GALNT17: variants seen among roughly 807,000 people sequenced by gnomAD.
GALNT17 encodes the protein polypeptide N-acetylgalactosaminyltransferase 17, also known as UDP-GalNAc:polypeptide N-acetylgalactosaminyltransferase-like 3.
In GALNT17, 29 loss-of-function variants were observed where a neutral mutation model predicts 63.7. That is an observed-to-expected ratio of 0.46 (90% confidence interval 0.34 to 0.62). The LOEUF (loss-of-function observed/expected upper bound fraction) is 0.62. GALNT17 is among the 20% of genes least tolerant of loss of function. GALNT17 has a pLI of 0.01. For synonymous variants in GALNT17, 305 were observed against 318.3 expected, an observed-to-expected ratio of 0.96 and a Z score of 0.45; for missense variants, 603 against 799.6, an observed-to-expected ratio of 0.75 and a Z score of 2.97.
intron 5 of GALNT17, among the ~76,000 whole-genome samples, chr7:71,466,891 A>C (rs566433396): frequency 6.6e-6 from 1 of 152,010 alleles, no homozygotes; most frequent in East Asian, 1.9e-4. Context: ...CCTGTAACTT[A>C]TCTCTCCCTA....
intron 1 of GALNT17, among the ~76,000 whole-genome samples, chr7:71,192,549 C>A (rs1386810665): frequency 6.6e-6 from 1 of 152,052 alleles, no homozygotes; most frequent in Non-Finnish European, 1.5e-5. Context: ...GTATGTGCCA[C>A]TATGCCTGGC....
chr7:71,293,537 A>T (rs375237370), intron 1 of GALNT17, among the ~76,000 whole-genome samples: 1 of 152,120 alleles, frequency 6.6e-6, no homozygotes, highest in South Asian at 2.1e-4. Context: ...TGCCCATTTT[A>T]AAATCAGATT....
At chr7:71,612,402 C>T (rs1246938408) in intron 6 of GALNT17, among the ~76,000 whole-genome samples, 2 of 152,164 alleles carry the variant, frequency 1.3e-5, no homozygotes, top group East Asian at 3.9e-4. Flanking sequence ...ACTCTGCCTG[C>T]ATTGCAACGT....
intron 1 of GALNT17, among the ~76,000 whole-genome samples, chr7:71,268,801 C>T (rs1790536032): frequency 6.6e-6 from 1 of 151,938 alleles, no homozygotes; most frequent in Non-Finnish European, 1.5e-5. Context: ...TGGGGTTGTG[C>T]CTGTCTCCTG....
At chr7:71,146,175 G>A (rs932322610) in intron 1 of GALNT17, among the ~76,000 whole-genome samples, 3 of 152,030 alleles carry the variant, frequency 2.0e-5, no homozygotes, top group South Asian at 2.1e-4. Context: ...AGCTCCCCAC[G>A]CCCTGAGTGA....
chr7:71,425,914 C>T (rs1273545693), intron 5 of GALNT17, among the ~76,000 whole-genome samples: 3 of 152,092 alleles, frequency 2.0e-5, no homozygotes, highest in Admixed American at 2.0e-4. Context: ...CTGGGGAGGC[C>T]TCAGGAATCT....
At chr7:71,468,088 C>T (rs1333718612) in intron 5 of GALNT17, among the ~76,000 whole-genome samples, 1 of 151,274 alleles carries the variant, frequency 6.6e-6, no homozygotes, top group Non-Finnish European at 1.5e-5. Context: ...AGTGCAAAGG[C>T]GTGACTGTAC....
chr7:71,622,789 A>C (rs1363223796), intron 6 of GALNT17, among the ~76,000 whole-genome samples: 3 of 152,288 alleles, frequency 2.0e-5, no homozygotes, highest in South Asian at 2.1e-4. Context: ...CTCCCAGGCG[A>C]GTTCTAAGGC....
intron 2 of GALNT17, among the ~76,000 whole-genome samples, chr7:71,382,222 A>G (rs965747036): frequency 2.0e-5 from 3 of 152,142 alleles, no homozygotes; most frequent in African/African-American, 4.8e-5. Context: ...TCTAATAAAA[A>G]TAGAAAAATT....
chr7:71,435,904 C>T (rs570628911), intron 5 of GALNT17, among the ~76,000 whole-genome samples: 2 of 151,932 alleles, frequency 1.3e-5, no homozygotes, highest in Admixed American at 1.3e-4. Context: ...CCTGTAGTCC[C>T]ACCTACTCGG....
At chr7:71,289,340 G>A (rs182083977) in intron 1 of GALNT17, among the ~76,000 whole-genome samples, 140 of 151,786 alleles carry the variant, frequency 9.2e-4, no homozygotes, top group Non-Finnish European at 1.8e-3. Context: ...GATCATACAC[G>A]TAAATACAGA....
At chr7:71,682,910 C>T (rs1365483197) in intron 9 of GALNT17, among the ~76,000 whole-genome samples, 2 of 152,000 alleles carry the variant, frequency 1.3e-5, no homozygotes. Flanking sequence ...TGAAGGTGAC[C>T]ACCTTCTGAC....
intron 6 of GALNT17, among the ~76,000 whole-genome samples, chr7:71,620,470 CT>C (rs1790274072): frequency 1.3e-5 from 2 of 152,106 alleles, no homozygotes; most frequent in South Asian, 4.1e-4. Context: ...GAGCAAGACC[CT>C]GTTTCTAATA....
Position 71,165,870 on chromosome 7 carries a change from CTA to C in GALNT17, c.238+32832_238+32833del, listed in dbSNP as rs144400141. On this transcript the variant is annotated intron_variant, in intron 1 of 10. Coordinates refer to ENST00000333538, the MANE Select transcript of GALNT17 (RefSeq NM_022479.3). ...AGGGCTGAGTAGGTGGAGTATGTGA[CTA>C]TGTAAATAAACCTCCCTGACTGGGT... 7.2e-3 allele frequency among the ~76,000 whole-genome samples: 1,102 copies of C among 152,116 alleles called. 9 individuals carry two copies. The highest frequency in any genetic ancestry group is 0.025 in the African/African-American group (1,042 of 41,472).
chr7:71,173,822 C>T (rs1281344190), intron 1 of GALNT17, among the ~76,000 whole-genome samples: 19 of 152,080 alleles, frequency 1.2e-4, no homozygotes, highest in Admixed American at 1.2e-3. Context: ...CACTCAAGCT[C>T]AGGGTATTTT....
chr7:71,153,466 A>G (rs945156316), intron 1 of GALNT17, among the ~76,000 whole-genome samples: 20 of 152,158 alleles, frequency 1.3e-4, no homozygotes, highest in African/African-American at 4.6e-4. Flanking sequence ...CAGGTTCTGT[A>G]ATTTTATGGA....
At chr7:71,259,789 C>T (rs1363405690) in intron 1 of GALNT17, among the ~76,000 whole-genome samples, 2 of 151,712 alleles carry the variant, frequency 1.3e-5, no homozygotes, top group African/African-American at 2.4e-5. Flanking sequence ...CTACAGGTGC[C>T]CACCACCACG....
chr7:71,492,956 C>T (rs1275459812), intron 5 of GALNT17, among the ~76,000 whole-genome samples: 3 of 152,088 alleles, frequency 2.0e-5, no homozygotes, highest in Admixed American at 6.6e-5. Context: ...ATGAATGGTC[C>T]CTCTCAGCCC....
At chr7:71,233,370 A>G (rs1368302129) in intron 1 of GALNT17, among the ~76,000 whole-genome samples, 1 of 152,168 alleles carries the variant, frequency 6.6e-6, no homozygotes, top group African/African-American at 2.4e-5. Context: ...CTCCATCAGC[A>G]TCGTGTCTTC....
Sources: gnomAD v4.1 joint callset for allele counts (sites outside exome capture counted in the v4.1 genomes callset) on GRCh38, gnomAD v4.1.1 for gene constraint, MANE v1.5 for transcripts, NCBI Gene and HGNC (gene_info 2026-07-23, HGNC 2026-07-21) for gene names.